The following OSBPL1A variants were observed in gnomAD, a reference collection of about 807,000 sequenced individuals.
OSBPL1A encodes the protein oxysterol-binding protein-related protein 1.
OSBPL1A carries 80 observed loss-of-function variants against 137.1 expected under a neutral mutation model. That is an observed-to-expected ratio of 0.58 (90% CI 0.49 to 0.70). The LOEUF (loss-of-function observed/expected upper bound fraction) is 0.70. OSBPL1A is among the 30% of genes least tolerant of loss of function. The pLI is 0.00. For synonymous variants in OSBPL1A, 365 were observed against 389.7 expected (o/e 0.94, Z 0.75); for missense variants, 970 against 1,129.4 (o/e 0.86, Z 2.02).
chr18:24,380,722 C>T (rs1330536131), intron 1 of OSBPL1A, among the ~76,000 whole-genome samples: 4 of 152,112 alleles, frequency 2.6e-5, no homozygotes, highest in African/African-American at 4.8e-5. Flanking sequence ...GAGACTGAGG[C>T]GGGTCTATCA....
intron 4 of OSBPL1A, among the ~76,000 whole-genome samples, chr18:24,345,737 T>A (rs1162079779): frequency 2.0e-5 from 3 of 152,152 alleles, no homozygotes; most frequent in Non-Finnish European, 4.4e-5. Flanking sequence ...TAATTTTTTT[T>A]AAATCCAAGC....
intron 4 of OSBPL1A, among the ~76,000 whole-genome samples, chr18:24,359,236 CAGAG>C (rs541764856): frequency 1.3e-5 from 2 of 151,352 alleles, no homozygotes; most frequent in East Asian, 3.9e-4. Flanking sequence ...GAGACAGAGA[CAGAG>C]AGAGAAAGAG....
rs761336916 is a variant in OSBPL1A, at chr18:24,170,467, C to T, written c.2292-14G>A. 1 of 1,613,784 alleles carries T rather than the reference C, an allele frequency of 6.2e-7. No individual in the cohort carries two copies. The highest frequency in any genetic ancestry group is 8.5e-7 in the Non-Finnish European group (1 of 1,179,952). On this transcript the variant is annotated splice_polypyrimidine_tract_variant and intron_variant, in intron 23 of 27. Transcript: ENST00000319481. ...AGCTTCTTTTTGCTGTCAAGAAAAA[C>T]TGATGTTTAGTTAACAAACCAGTGT...
intron 4 of OSBPL1A, among the ~76,000 whole-genome samples, chr18:24,354,748 C>CAAAAAAAAAAAAAA (rs59694707): frequency 3.5e-3 from 271 of 76,926 alleles, no homozygotes; most frequent in Middle Eastern, 9.4e-3. Context: ...CTCAATATAG[C>CAAAAAAAAAAAAAA]AAAAAAAAAA....
intron 1 of OSBPL1A, among the ~76,000 whole-genome samples, chr18:24,388,355 C>T (rs762289529): frequency 3.9e-5 from 6 of 151,954 alleles, no homozygotes; most frequent in Non-Finnish European, 8.8e-5. Flanking sequence ...GATGGATGGG[C>T]GGATGGATGA....
chr18:24,165,877 CCT>C (rs1196836932), intron 26 of OSBPL1A, among the ~76,000 whole-genome samples: 1 of 152,110 alleles, frequency 6.6e-6, no homozygotes, highest in Non-Finnish European at 1.5e-5. Context: ...GGGCGGATCA[CCT>C]GAGGTCAGAA....
intron 15 of OSBPL1A, among the ~76,000 whole-genome samples, chr18:24,247,004 T>G (rs933469308): frequency 1.3e-5 from 2 of 152,226 alleles, no homozygotes; most frequent in Admixed American, 1.3e-4. Context: ...CTACAAGGAC[T>G]GTGTCTCAAA....
At chr18:24,381,101 C>T (rs1599735771) in intron 1 of OSBPL1A, among the ~76,000 whole-genome samples, 2 of 152,126 alleles carry the variant, frequency 1.3e-5, no homozygotes, top group East Asian at 1.9e-4. Context: ...ATTCAGGACC[C>T]CCGTGGTAGT....
intron 15 of OSBPL1A, among the ~76,000 whole-genome samples, chr18:24,272,778 A>G (rs1055356695): frequency 6.6e-6 from 1 of 152,204 alleles, no homozygotes; most frequent in African/African-American, 2.4e-5. Context: ...AGTTGGTGGT[A>G]GCTGTAATTG....
chr18:24,335,923 C>T (rs1466485590), intron 5 of OSBPL1A, among the ~76,000 whole-genome samples: 1 of 152,208 alleles, frequency 6.6e-6, no homozygotes, highest in East Asian at 1.9e-4. Flanking sequence ...TTTCCACACC[C>T]AGACTCTACC....
At chr18:24,253,495 A>G (rs752742707) in intron 15 of OSBPL1A, among the ~76,000 whole-genome samples, 7 of 152,182 alleles carry the variant, frequency 4.6e-5, no homozygotes, top group Admixed American at 4.6e-4. Flanking sequence ...AAAACAGGGG[A>G]ACTGCAATGG....
At chr18:24,176,397 A>T (rs867733500) in intron 21 of OSBPL1A, among the ~76,000 whole-genome samples, 21 of 152,138 alleles carry the variant, frequency 1.4e-4, no homozygotes, top group African/African-American at 5.1e-4. Flanking sequence ...TGACATTTGC[A>T]TTCTGCCATT....
intron 17 of OSBPL1A, among the ~76,000 whole-genome samples, chr18:24,204,558 C>T (rs1166396953): frequency 4.2e-5 from 6 of 143,270 alleles, no homozygotes; most frequent in East Asian, 2.0e-4. Context: ...AAAGCTGTTT[C>T]TTTTTTTTTT....
chr18:24,254,019 C>T (rs1243083215), intron 15 of OSBPL1A, among the ~76,000 whole-genome samples: 4 of 152,174 alleles, frequency 2.6e-5, no homozygotes, highest in African/African-American at 9.7e-5. Context: ...GAGCTGAATT[C>T]CTTCCCAAAG....
chr18:24,355,842 AGGCATGGT>A (rs2091524355), intron 4 of OSBPL1A, among the ~76,000 whole-genome samples: 1 of 151,460 alleles, frequency 6.6e-6, no homozygotes, highest in Non-Finnish European at 1.5e-5. Context: ...AATCTTAGCC[AGGCATGGT>A]GGCATGCGCC....
chr18:24,393,045 A>G (rs902983524), intron 1 of OSBPL1A, among the ~76,000 whole-genome samples: 1 of 152,178 alleles, frequency 6.6e-6, no homozygotes, highest in Admixed American at 6.5e-5. Flanking sequence ...TTTTAATACC[A>G]GCAAGGTATT....
chr18:24,201,324 T>C (rs2087214208), intron 17 of OSBPL1A, among the ~76,000 whole-genome samples: 1 of 152,222 alleles, frequency 6.6e-6, no homozygotes, highest in African/African-American at 2.4e-5. Context: ...TACACAGCAT[T>C]GTAGGCAGAC....
intron 1 of OSBPL1A, among the ~76,000 whole-genome samples, chr18:24,394,788 T>C (rs1907617817): frequency 6.6e-6 from 1 of 151,864 alleles, no homozygotes; most frequent in Non-Finnish European, 1.5e-5. Context: ...TTACTTTCCA[T>C]TGTCACATGA....
chr18:24,325,135 A>T (rs1437376867), intron 7 of OSBPL1A, among the ~76,000 whole-genome samples: 1 of 152,180 alleles, frequency 6.6e-6, no homozygotes, highest in Non-Finnish European at 1.5e-5. Context: ...AGAATGTATA[A>T]GAAAGGCATG....
Sources: allele counts gnomAD v4.1 joint callset (sites outside exome capture counted in the v4.1 genomes callset), GRCh38; gene constraint gnomAD v4.1.1; transcripts MANE v1.5; gene names NCBI Gene and HGNC (gene_info 2026-07-23, HGNC 2026-07-21).